MAGEA11: variants seen among roughly 807,000 people sequenced by gnomAD.
MAGEA11 encodes MAGE family member A11, also known as melanoma-associated antigen 11.
Under a neutral mutation model 8.4 loss-of-function variants are expected in MAGEA11, and 1 was observed. That is an observed-to-expected ratio of 0.12 (90% CI 0.04 to 0.57). The LOEUF (loss-of-function observed/expected upper bound fraction) is 0.57. Among genes scored for constraint, MAGEA11 ranks in the 20% least tolerant of loss-of-function variants. The pLI is 0.91. For synonymous variants in MAGEA11, 127 were observed against 119.3 expected, an observed-to-expected ratio of 1.06 and a Z score of -0.42; for missense variants, 209 against 317.3, an observed-to-expected ratio of 0.66 and a Z score of 2.59.
upstream of MAGEA11, among the ~76,000 whole-genome samples, chrX:149,707,468 C>A (rs147790611): frequency 5.8e-3 from 647 of 111,971 alleles, 7 homozygotes; most frequent in Non-Finnish European, 9.3e-3. Flanking sequence ...GCCATCCTGT[C>A]CCTCAGTAAA....
At chrX:149,688,830 C>G in exon 1 of MAGEA11, 1 of 396,508 alleles carries the variant, frequency 2.5e-6, no homozygotes, top group Non-Finnish European at 4.6e-6. Context: ...CCTGTGCACT[C>G]TCACCAGGGC....
chrX:149,715,306 A>AGGAT (rs1193360678), intron 3 of MAGEA11, among the ~76,000 whole-genome samples: 1 of 111,988 alleles, frequency 8.9e-6, no homozygotes, highest in Non-Finnish European at 1.9e-5. Flanking sequence ...CTGGGGTGCC[A>AGGAT]GGATGGGTGC....
intron 1 of MAGEA11, among the ~76,000 whole-genome samples, chrX:149,695,822 C>T (rs150047652): frequency 0.046 from 5,149 of 112,019 alleles, 236 homozygotes; most frequent in African/African-American, 0.15. Flanking sequence ...AGTGCATCCA[C>T]TTCAGAAAGT....
chrX:149,715,081 T>A (rs1265842930), intron 3 of MAGEA11, among the ~76,000 whole-genome samples: 1 of 111,779 alleles, frequency 8.9e-6, no homozygotes, highest in Non-Finnish European at 1.9e-5. Flanking sequence ...TTGCTGTCCT[T>A]CCTGGGTAGC....
upstream of MAGEA11, chrX:149,711,952 C>T (rs782083288): frequency 9.0e-5 from 46 of 508,569 alleles, no homozygotes; most frequent in Middle Eastern, 2.5e-3. Context: ...CCCGCCTCGC[C>T]TCGCCCCGCC....
chrX:149,704,123 C>G (rs1182143271), intron 1 of MAGEA11, among the ~76,000 whole-genome samples: 1 of 112,089 alleles, frequency 8.9e-6, no homozygotes, highest in Non-Finnish European at 1.9e-5. Flanking sequence ...CTTAAAGGAG[C>G]CAAGTGGTGG....
chrX:149,701,886 G>A (rs1399338203), intron 1 of MAGEA11, among the ~76,000 whole-genome samples: 2 of 111,529 alleles, frequency 1.8e-5, no homozygotes, highest in Non-Finnish European at 3.8e-5. Flanking sequence ...TAGATATGCG[G>A]CGTTATTTCT....
chrX:149,703,064 T>A (rs1030008076), intron 1 of MAGEA11, among the ~76,000 whole-genome samples: 8 of 111,252 alleles, frequency 7.2e-5, no homozygotes, highest in African/African-American at 2.3e-4. Context: ...ACTAGAGCAA[T>A]GACAAGCAGA....
At position 149,696,899 on chromosome X, in the gene MAGEA11, C is replaced by T. The variant is rs148284013; in HGVS notation, c.9+7915C>T. Reference sequence around the variant, plus strand: ...CCACTCCTACTGCTGTACCTTCCATCAAACACTGCAGCAAGCACTCCCTGG... The same window carrying T: ...CCACTCCTACTGCTGTACCTTCCATTAAACACTGCAGCAAGCACTCCCTGG... On this transcript the variant is annotated intron_variant, in intron 1 of 3. Transcript: ENST00000333104. 2.1e-3 allele frequency among the ~76,000 whole-genome samples: 235 copies of T among 112,255 alleles called. 1 individual carries two copies. The Middle Eastern group carries it at 0.042, about 20-fold the overall frequency.
intron 3 of MAGEA11, among the ~76,000 whole-genome samples, chrX:149,714,938 G>C (rs2090419658): frequency 9.0e-6 from 1 of 111,287 alleles, no homozygotes; most frequent in African/African-American, 3.3e-5. Context: ...ATCTCCTGGA[G>C]GTAGAGCTTT....
chrX:149,711,702 C>T (rs1280152453), upstream of MAGEA11: 1 of 334,118 alleles, frequency 3.0e-6, no homozygotes, highest in African/African-American at 2.9e-5. Context: ...TCCTGTCAGC[C>T]CCGGAAGACC....
At chrX:149,706,786 G>T (rs1189043978) in intron 1 of MAGEA11, among the ~76,000 whole-genome samples, 1 of 112,151 alleles carries the variant, frequency 8.9e-6, no homozygotes, top group African/African-American at 3.2e-5. Context: ...AGGTGATGGG[G>T]GCTCAGAGAT....
At chrX:149,701,781 A>T (rs1301293721) in intron 1 of MAGEA11, among the ~76,000 whole-genome samples, 1 of 111,468 alleles carries the variant, frequency 9.0e-6, no homozygotes, top group Non-Finnish European at 1.9e-5. Context: ...AGCCTTCTAC[A>T]TATGGCTAGC....
rs782609768 is a variant in MAGEA11 at position 149,715,609 on chromosome X, T to C, written c.198T>C (p.Phe66=). Residue 66 remains phenylalanine (F), a synonymous_variant, in exon 4 of 5, where the codon TTT becomes TTC. Transcript: ENST00000355220. ...WSQDLPRVQV[F]REQANLEDRS... ...CTTCTCACTTCCTTTTTCAGGTTTT[T>C]AGAGAACAGGCCAACCTGGAGGACA... 11 of 1,203,434 alleles carry C rather than the reference T, an allele frequency of 9.1e-6. No homozygotes were observed. In the African/African-American group the frequency reaches 1.8e-4, roughly 19 times the overall value.
At chrX:149,690,775 G>A (rs1420031697) in intron 1 of MAGEA11, among the ~76,000 whole-genome samples, 2 of 83,586 alleles carry the variant, frequency 2.4e-5, no homozygotes, top group Admixed American at 1.3e-4. Context: ...TTTTTCTCTG[G>A]CATCACTTTC....
intron 1 of MAGEA11, among the ~76,000 whole-genome samples, chrX:149,697,042 C>T (rs1389596555): frequency 1.8e-5 from 2 of 111,239 alleles, no homozygotes; most frequent in Non-Finnish European, 3.8e-5. Flanking sequence ...GAGTGTGGAC[C>T]AAGACTGCAG....
At chrX:149,703,320 C>T (rs1569561365) in intron 1 of MAGEA11, among the ~76,000 whole-genome samples, 1 of 112,509 alleles carries the variant, frequency 8.9e-6, no homozygotes, top group African/African-American at 3.2e-5. Context: ...GAACAATGTA[C>T]TTTTTAAAAT....
At chrX:149,702,475 A>G (rs1384747696) in intron 1 of MAGEA11, among the ~76,000 whole-genome samples, 1 of 111,254 alleles carries the variant, frequency 9.0e-6, no homozygotes, top group Non-Finnish European at 1.9e-5. Context: ...TGGTATTAGC[A>G]TAGCCATTCC....
At chrX:149,706,801 C>T (rs147616277) in intron 1 of MAGEA11, among the ~76,000 whole-genome samples, 4,211 of 111,742 alleles carry the variant, frequency 0.038, 350 homozygotes, top group East Asian at 0.26. Flanking sequence ...AGAGATGGGC[C>T]TCAGGAGAAG....
Sources: allele counts gnomAD v4.1 joint callset (sites outside exome capture counted in the v4.1 genomes callset), GRCh38; gene constraint gnomAD v4.1.1; transcripts MANE v1.5; gene names NCBI Gene and HGNC (gene_info 2026-07-23, HGNC 2026-07-21).